Variants in NAV1 observed in about 807,000 individuals in gnomAD.
NAV1 encodes pore membrane and/or filament interacting like protein 3.
In NAV1, 18 loss-of-function variants were observed where a neutral mutation model predicts 175.2. The ratio of observed to expected loss-of-function variants is 0.10; its 90% confidence interval spans 0.07 to 0.15. NAV1 has a LOEUF of 0.15. Ranked by LOEUF, NAV1 falls within the 10% of genes least tolerant of loss-of-function variation. The pLI, the probability that NAV1 is intolerant of heterozygous loss-of-function variation, is 1.00. For synonymous variants in NAV1, 897 were observed against 978.7 expected, an observed-to-expected ratio of 0.92 and a Z score of 1.56; for missense variants, 1,731 against 2,436.6, an observed-to-expected ratio of 0.71 and a Z score of 6.10.
intron 1 of NAV1, among the ~76,000 whole-genome samples, chr1:201,668,565 T>C (rs1243587221): frequency 6.6e-6 from 1 of 152,000 alleles, no homozygotes; most frequent in Non-Finnish European, 1.5e-5. Context: ...GGTGCCGCTG[T>C]GGAAGGCACC....
intron 1 of NAV1, among the ~76,000 whole-genome samples, chr1:201,681,668 C>T (rs961702417): frequency 6.6e-6 from 1 of 152,222 alleles, no homozygotes; most frequent in Non-Finnish European, 1.5e-5. Context: ...AAACATCTTA[C>T]CCATCCTTTA....
chr1:201,662,703 A>G (rs1386866932), intron 1 of NAV1, among the ~76,000 whole-genome samples: 1 of 152,070 alleles, frequency 6.6e-6, no homozygotes, highest in Non-Finnish European at 1.5e-5. Context: ...AGCTAGTTCT[A>G]TTTCCACTTC....
intron 1 of NAV1, among the ~76,000 whole-genome samples, chr1:201,699,898 CTG>C (rs1405850743): frequency 6.6e-6 from 1 of 152,202 alleles, no homozygotes; most frequent in African/African-American, 2.4e-5. Context: ...ATGTAGAAAG[CTG>C]AAACTGGATC....
chr1:201,699,761 G>C (rs1421250761), intron 1 of NAV1, among the ~76,000 whole-genome samples: 1 of 152,152 alleles, frequency 6.6e-6, no homozygotes, highest in Non-Finnish European at 1.5e-5. Context: ...CAATGGAACA[G>C]AACAGAGGCC....
intron 1 of NAV1, among the ~76,000 whole-genome samples, chr1:201,543,801 T>C (rs1471430740): frequency 6.6e-6 from 1 of 152,232 alleles, no homozygotes; most frequent in Non-Finnish European, 1.5e-5. Flanking sequence ...ACTTAAACTC[T>C]GTACTCATTA....
At chr1:201,777,802 T>C (rs1029214633) in intron 3 of NAV1, among the ~76,000 whole-genome samples, 4 of 151,842 alleles carry the variant, frequency 2.6e-5, no homozygotes, top group Non-Finnish European at 5.9e-5. Context: ...AATACAAAAA[T>C]TGCATACCTG....
chr1:201,797,602 G>T (rs572138655), intron 15 of NAV1: 1 of 152,278 alleles, frequency 6.6e-6, no homozygotes, highest in African/African-American at 2.4e-5. Context: ...AGAGAGTATT[G>T]CCTCTTAACA....
chr1:201,762,555 T>C (rs1044688670), intron 3 of NAV1, among the ~76,000 whole-genome samples: 2 of 152,230 alleles, frequency 1.3e-5, no homozygotes, highest in Admixed American at 1.3e-4. Flanking sequence ...TAAAGTTCTA[T>C]TGGAACATAG....
At position 201,583,882 on chromosome 1, in the gene NAV1, G is replaced by T. The variant is rs143568706; in HGVS notation, c.-143-4657G>T. On this transcript the variant is annotated intron_variant, in intron 1 of 33. Transcript: ENST00000685211. ...CAGTCAGGACCTTCAGCTTCCCAGG[G>T]AAACTTGGATTGAGTAGAATGTAGC... 2.0e-5 allele frequency among the ~76,000 whole-genome samples: 3 copies of T among 152,300 alleles called. No individual in the cohort carries two copies. In the East Asian group the frequency reaches 5.8e-4, roughly 29 times the overall value.
chr1:201,612,206 C>G (rs567025729), intron 2 of NAV1, among the ~76,000 whole-genome samples: 1 of 152,180 alleles, frequency 6.6e-6, no homozygotes, highest in Non-Finnish European at 1.5e-5. Flanking sequence ...ATGCCCAGCA[C>G]TTTGGGAGGC....
intron 1 of NAV1, among the ~76,000 whole-genome samples, chr1:201,560,372 C>T (rs745590524): frequency 8.5e-5 from 13 of 152,192 alleles, no homozygotes; most frequent in Non-Finnish European, 1.5e-4. Flanking sequence ...GTTATGGACC[C>T]CTTAGCCAGC....
intron 2 of NAV1, among the ~76,000 whole-genome samples, chr1:201,630,527 G>C (rs1320142136): frequency 6.6e-6 from 1 of 152,148 alleles, no homozygotes; most frequent in Non-Finnish European, 1.5e-5. Flanking sequence ...TCCCTTCTTG[G>C]CCTGGGAGCT....
rs1558131844 is a variant in NAV1 at position 201,756,872 on chromosome 1, CTTTCTTTCT to C, written c.1227-23546_1227-23538del. ...TCTTTCTTTCTTTCTTTCTTTCTTT[CTTTCTTTCT>C]TTCTCTGTCTTTCTCCCCACTACTT... On this transcript the variant is annotated intron_variant, in intron 3 of 29. Transcript: ENST00000367296. 4.2e-4 allele frequency among the ~76,000 whole-genome samples: 50 copies of C among 119,938 alleles called. 1 individual carries two copies. Among genetic ancestry groups the C allele is most frequent in the African/African-American group, 1.6e-3 (46 of 29,000 alleles). 78.7% of individuals were successfully genotyped at this position (119,938 alleles called of 152,430 possible). A position where few individuals can be genotyped will look rare whatever the true frequency, so the allele number is the denominator to read the frequency against.
At chr1:201,562,772 G>A (rs970059695) in intron 1 of NAV1, among the ~76,000 whole-genome samples, 5 of 152,154 alleles carry the variant, frequency 3.3e-5, no homozygotes, top group African/African-American at 1.2e-4. Flanking sequence ...CTCTCTCCTG[G>A]GCCTGGTGGA....
At chr1:201,706,884 C>T (rs1671692545) in intron 1 of NAV1, among the ~76,000 whole-genome samples, 1 of 152,152 alleles carries the variant, frequency 6.6e-6, no homozygotes. Context: ...GTGATGGATT[C>T]CCATGAGTCT....
chr1:201,815,647 A>G (rs1053693431), intron 28 of NAV1, among the ~76,000 whole-genome samples: 12 of 152,224 alleles, frequency 7.9e-5, no homozygotes, highest in African/African-American at 2.2e-4. Flanking sequence ...GTTAGGAGGA[A>G]TAAGTTCAAG....
intron 3 of NAV1, among the ~76,000 whole-genome samples, chr1:201,765,923 C>T (rs1325704582): frequency 6.6e-6 from 1 of 152,178 alleles, no homozygotes; most frequent in Non-Finnish European, 1.5e-5. Context: ...TTAGCTTCAG[C>T]ATTTGAGAAT....
chr1:201,637,785 C>G (rs1345083516), intron 2 of NAV1, among the ~76,000 whole-genome samples: 2 of 152,190 alleles, frequency 1.3e-5, no homozygotes, highest in African/African-American at 4.8e-5. Context: ...GGAGTTTTCC[C>G]TCACCGGCCT....
At chr1:201,723,769 T>C (rs1055302644) in intron 3 of NAV1, 2 of 152,234 alleles carry the variant, frequency 1.3e-5, no homozygotes, top group Non-Finnish European at 2.9e-5. Flanking sequence ...GGGAAGCTTA[T>C]TCCATATCAT....
Sources: allele counts gnomAD v4.1 joint callset (sites outside exome capture counted in the v4.1 genomes callset), GRCh38; gene constraint gnomAD v4.1.1; transcripts MANE v1.5; gene names NCBI Gene and HGNC (gene_info 2026-07-23, HGNC 2026-07-21).